Variants in NRG1 observed in about 807,000 individuals in gnomAD.
NRG1 encodes the protein neuregulin 1.
In NRG1, 18 loss-of-function variants were observed where a neutral mutation model predicts 63.8. That is an observed-to-expected ratio of 0.28 (90% CI 0.19 to 0.42). The LOEUF is 0.42. Among genes scored for constraint, NRG1 ranks in the 10% least tolerant of loss-of-function variants. The pLI is 1.00. For missense variants in NRG1, 762 were observed against 814.7 expected (o/e 0.94, Z 0.79); for synonymous variants, 302 against 301.3 (o/e 1.00, Z -0.02).
chr8:31,693,513 T>C (rs1809747353), intron 1 of NRG1, among the ~76,000 whole-genome samples: 1 of 148,874 alleles, frequency 6.7e-6, no homozygotes, highest in Non-Finnish European at 1.5e-5. Flanking sequence ...AAAAAAAGAA[T>C]GCCTAGCAAC....
intron 1 of NRG1, among the ~76,000 whole-genome samples, chr8:32,149,442 A>G (rs1281180847): frequency 2.6e-5 from 4 of 152,134 alleles, no homozygotes; most frequent in Non-Finnish European, 5.9e-5. Flanking sequence ...CAGCTTCAAC[A>G]TGCAGCCTTC....
chr8:32,435,638 T>C (rs567034195), intron 1 of NRG1, among the ~76,000 whole-genome samples: 7 of 152,178 alleles, frequency 4.6e-5, no homozygotes, highest in Non-Finnish European at 8.8e-5. Context: ...CAAACGTCAG[T>C]GTTTTACATT....
At position 31,860,974 on chromosome 8, in the gene NRG1, C is replaced by A. The variant is rs374058854; in HGVS notation, c.37+221543C>A. ...GCCGAGATTCAGAGAGGTTAAATGA[C>A]TGTTTCTACTCCACAAAAAGAAAGA... On this transcript the variant is annotated intron_variant, in intron 1 of 10. Transcript: ENST00000519301. 2.6e-5 allele frequency among the ~76,000 whole-genome samples: 4 copies of A among 152,274 alleles called. No individual in the cohort carries two copies. The East Asian group carries it at 7.7e-4, about 29-fold the overall frequency.
At chr8:32,033,062 A>G (rs538450222) in intron 1 of NRG1, among the ~76,000 whole-genome samples, 5 of 151,822 alleles carry the variant, frequency 3.3e-5, no homozygotes, top group Non-Finnish European at 7.4e-5. Flanking sequence ...AGGTTTGTCA[A>G]AGATCAGATG....
chr8:32,754,425 G>T (rs771092162), exon 8 of NRG1: 1 of 1,613,736 alleles, frequency 6.2e-7, no homozygotes, highest in Non-Finnish European at 8.5e-7. Flanking sequence ...CATCTGCATC[G>T]CCCTCCTTGT....
In NRG1 at chr8:31,975,950, T is replaced by C. The variant is rs192096267; in HGVS notation, c.37+336519T>C. On this transcript the variant is annotated intron_variant, in intron 1 of 10. Transcript: ENST00000519301. ...TTCACAAAGTTTCCTTTGCAATTGA[T>C]TCCTGGGTGATGGTATTAACATGTC... 1.5e-3 allele frequency among the ~76,000 whole-genome samples: 235 copies of C among 152,308 alleles called. 2 individuals are homozygous for C. Among genetic ancestry groups the C allele is most frequent in the Non-Finnish European group, 2.4e-3 (164 of 68,026 alleles).
At chr8:32,552,329 T>C (rs1201941027) in intron 1 of NRG1, among the ~76,000 whole-genome samples, 1 of 152,118 alleles carries the variant, frequency 6.6e-6, no homozygotes, top group Non-Finnish European at 1.5e-5. Flanking sequence ...CTGTCTTTTT[T>C]CTTTTTCCTC....
chr8:32,005,573 A>G (rs1271297014), intron 1 of NRG1, among the ~76,000 whole-genome samples: 1 of 152,010 alleles, frequency 6.6e-6, no homozygotes, highest in African/African-American at 2.4e-5. Context: ...CCATCCAGTT[A>G]TTGAAAAAAG....
intron 1 of NRG1, among the ~76,000 whole-genome samples, chr8:32,131,092 AC>A (rs1265851272): frequency 6.6e-6 from 1 of 152,028 alleles, no homozygotes; most frequent in Non-Finnish European, 1.5e-5. Context: ...TATACAAGGT[AC>A]TAACAATACC....
intron 1 of NRG1, among the ~76,000 whole-genome samples, chr8:31,767,679 A>G (rs1274075716): frequency 6.6e-6 from 1 of 151,980 alleles, no homozygotes; most frequent in Non-Finnish European, 1.5e-5. Flanking sequence ...GTCTCTACTA[A>G]AAATACAAAA....
At chr8:32,314,685 G>A (rs10503908) in intron 1 of NRG1, among the ~76,000 whole-genome samples, 19,285 of 152,136 alleles carry the variant, frequency 0.13, 1,325 homozygotes, top group South Asian at 0.17. Flanking sequence ...TCTGAAAGAC[G>A]AGGAAGGGAG....
At chr8:32,648,094 A>G (rs1307759572) in intron 5 of NRG1, 1 of 1,614,014 alleles carries the variant, frequency 6.2e-7, no homozygotes, top group East Asian at 2.2e-5. Context: ...ATTTCTCTGG[A>G]CGCAACTGCT....
intron 7 of NRG1, among the ~76,000 whole-genome samples, chr8:32,743,882 C>T (rs980218552): frequency 6.6e-6 from 1 of 151,920 alleles, no homozygotes; most frequent in African/African-American, 2.4e-5. Flanking sequence ...TGTGGTGACA[C>T]CATCACTGTC....
chr8:32,526,160 G>T (rs781436634), intron 1 of NRG1, among the ~76,000 whole-genome samples: 3 of 152,188 alleles, frequency 2.0e-5, no homozygotes, highest in Non-Finnish European at 4.4e-5. Flanking sequence ...CAAGGCTGCA[G>T]TGAGGTGCTG....
intron 5 of NRG1, among the ~76,000 whole-genome samples, chr8:32,706,402 A>G (rs952132851): frequency 6.6e-6 from 1 of 152,214 alleles, no homozygotes; most frequent in African/African-American, 2.4e-5. Flanking sequence ...ATACAGTTTT[A>G]TCAATTTATC....
At chr8:31,907,298 T>G (rs1196798329) in intron 1 of NRG1, among the ~76,000 whole-genome samples, 1 of 151,298 alleles carries the variant, frequency 6.6e-6, no homozygotes, top group Middle Eastern at 3.4e-3. Context: ...GAATTGATAA[T>G]ACTAAATTGA....
intron 1 of NRG1, among the ~76,000 whole-genome samples, chr8:32,281,376 C>A (rs1285263922): frequency 6.6e-6 from 1 of 151,562 alleles, no homozygotes; most frequent in Non-Finnish European, 1.5e-5. Flanking sequence ...TGGGGTTTCA[C>A]CATGTTGGCC....
At chr8:32,448,193 C>T (rs571204466) in intron 1 of NRG1, among the ~76,000 whole-genome samples, 54 of 152,230 alleles carry the variant, frequency 3.5e-4, no homozygotes, top group African/African-American at 9.9e-4. Flanking sequence ...TAAATCTAAC[C>T]TAAGTAAATG....
At chr8:32,600,413 T>G (rs922602298) in intron 2 of NRG1, among the ~76,000 whole-genome samples, 1 of 151,754 alleles carries the variant, frequency 6.6e-6, no homozygotes, top group Non-Finnish European at 1.5e-5. Flanking sequence ...AACAGAAGAG[T>G]TCTTCCCTAT....
Sources: gnomAD v4.1 joint callset for allele counts (sites outside exome capture counted in the v4.1 genomes callset) on GRCh38, gnomAD v4.1.1 for gene constraint, MANE v1.5 for transcripts, NCBI Gene and HGNC (gene_info 2026-07-23, HGNC 2026-07-21) for gene names.